HECW1: variants seen among roughly 807,000 people sequenced by gnomAD.
HECW1 encodes the protein HECT, C2 and WW domain containing E3 ubiquitin protein ligase 1, also known as E3 ubiquitin-protein ligase HECW1.
Under a neutral mutation model 182.3 loss-of-function variants are expected in HECW1, and 61 were observed. That is an observed-to-expected ratio of 0.33 (90% CI 0.27 to 0.41). The LOEUF (loss-of-function observed/expected upper bound fraction) is 0.41, where lower values mean the gene tolerates loss of function less well. Ranked by LOEUF, HECW1 falls within the 10% of genes least tolerant of loss-of-function variation. HECW1 has a pLI of 1.00. For missense variants in HECW1, 1,739 were observed against 2,108.9 expected (o/e 0.82, Z 3.44); for synonymous variants, 859 against 832.6 (o/e 1.03, Z -0.55).
chr7:43,252,773 A>C (rs565263690), intron 3 of HECW1, among the ~76,000 whole-genome samples: 1 of 152,356 alleles, frequency 6.6e-6, no homozygotes, highest in Non-Finnish European at 1.5e-5. Flanking sequence ...TAAGTCATTT[A>C]TTATAAAACA....
chr7:43,349,674 A>G lies in HECW1; in HGVS notation c.461-11212A>G, dbSNP rs117707164. On this transcript the variant is annotated intron_variant, in intron 5 of 29. Coordinates refer to ENST00000395891, the MANE Select transcript of HECW1 (RefSeq NM_015052.5). The stretch of plus-strand genomic sequence containing the variant: ...TGTTTTGTCTTATATAATAATAGCT[A>G]CCCCTGCTCACTTTTGGTGTCCATT... Among the ~76,000 whole-genome samples the G allele has an allele frequency of 8.4e-4, 128 of 152,244 alleles. 3 individuals carry two copies. In the East Asian group the frequency reaches 0.019, roughly 23 times the overall value.
chr7:43,544,122 T>C (rs964296078), intron 26 of HECW1, among the ~76,000 whole-genome samples: 2 of 152,234 alleles, frequency 1.3e-5, no homozygotes, highest in Non-Finnish European at 2.9e-5. Flanking sequence ...TAAAGAATGC[T>C]GATACAGATA....
At chr7:43,477,524 G>A (rs1355914092) in intron 16 of HECW1, among the ~76,000 whole-genome samples, 1 of 151,860 alleles carries the variant, frequency 6.6e-6, no homozygotes, top group Non-Finnish European at 1.5e-5. Context: ...CCATTTCCTT[G>A]TATTTTTGAC....
At chr7:43,149,036 T>G (rs1185148860) in intron 2 of HECW1, among the ~76,000 whole-genome samples, 1 of 152,164 alleles carries the variant, frequency 6.6e-6, no homozygotes, top group South Asian at 2.1e-4. Context: ...AAAATTACCA[T>G]CAGAACACCC....
At chr7:43,142,316 C>T (rs1788238988) in intron 2 of HECW1, among the ~76,000 whole-genome samples, 1 of 152,138 alleles carries the variant, frequency 6.6e-6, no homozygotes, top group Non-Finnish European at 1.5e-5. Context: ...AACAAGTTCC[C>T]AAGATAATTC....
At chr7:43,137,601 G>A (rs560362248) in intron 2 of HECW1, among the ~76,000 whole-genome samples, 2 of 151,498 alleles carry the variant, frequency 1.3e-5, no homozygotes, top group South Asian at 4.2e-4. Context: ...CCAGGCTGGA[G>A]TGCAGTGGTA....
intron 2 of HECW1, among the ~76,000 whole-genome samples, chr7:43,230,995 G>A (rs1373041481): frequency 3.3e-5 from 5 of 152,182 alleles, no homozygotes; most frequent in Non-Finnish European, 2.9e-5. Flanking sequence ...TTTCAACACT[G>A]AATCCTCTGT....
intron 3 of HECW1, among the ~76,000 whole-genome samples, chr7:43,292,979 C>CT (rs1227277310): frequency 6.6e-6 from 1 of 152,076 alleles, no homozygotes; most frequent in African/African-American, 2.4e-5. Flanking sequence ...AATCCCATCA[C>CT]TTTGGGAGGC....
At chr7:43,277,707 C>G (rs1000898072) in intron 3 of HECW1, among the ~76,000 whole-genome samples, 3 of 152,172 alleles carry the variant, frequency 2.0e-5, no homozygotes, top group Non-Finnish European at 2.9e-5. Flanking sequence ...CTCCCCTCTT[C>G]CAGCAGAACT....
At chr7:43,178,034 G>A (rs1792428996) in intron 2 of HECW1, among the ~76,000 whole-genome samples, 1 of 152,168 alleles carries the variant, frequency 6.6e-6, no homozygotes. Flanking sequence ...TTTTGAGACA[G>A]AGTCTCGCTC....
At chr7:43,307,915 TATAC>T (rs1478585264) in intron 3 of HECW1, among the ~76,000 whole-genome samples, 3 of 138,028 alleles carry the variant, frequency 2.2e-5, no homozygotes, top group Non-Finnish European at 4.6e-5. Flanking sequence ...TATATATATA[TATAC>T]ACACACACAT....
chr7:43,507,039 C>T, intron 21 of HECW1, 98 bp from the exon 22 acceptor site: 1 of 1,434,586 alleles, frequency 7.0e-7, no homozygotes, highest in African/African-American at 1.4e-5. Context: ...CACTGCACTC[C>T]AGCCTGGGCA....
At chr7:43,286,301 C>A (rs1804627504) in intron 3 of HECW1, among the ~76,000 whole-genome samples, 1 of 152,108 alleles carries the variant, frequency 6.6e-6, no homozygotes, top group Admixed American at 6.5e-5. Flanking sequence ...AGCATGCAGC[C>A]CAGTGATAAT....
chr7:43,229,699 T>C (rs1040927830), intron 2 of HECW1, among the ~76,000 whole-genome samples: 10 of 152,090 alleles, frequency 6.6e-5, no homozygotes, highest in Admixed American at 4.6e-4. Flanking sequence ...AACTAGTTAA[T>C]GGATGGTAAA....
At chr7:43,283,806 CT>C (rs1396018933) in intron 3 of HECW1, among the ~76,000 whole-genome samples, 1 of 152,106 alleles carries the variant, frequency 6.6e-6, no homozygotes, top group Admixed American at 6.5e-5. Context: ...GGAAAGGATG[CT>C]TTTTTAATGC....
At chr7:43,349,446 A>T (rs1219986938) in intron 5 of HECW1, among the ~76,000 whole-genome samples, 1 of 152,160 alleles carries the variant, frequency 6.6e-6, no homozygotes, top group Non-Finnish European at 1.5e-5. Context: ...TAGTGCTGTC[A>T]GTGAAGTATT....
At chr7:43,403,000 C>T (rs534954630) in intron 7 of HECW1, among the ~76,000 whole-genome samples, 3 of 152,178 alleles carry the variant, frequency 2.0e-5, no homozygotes, top group South Asian at 2.1e-4. Flanking sequence ...AATAAATTAC[C>T]GTAGAGCCAA....
At chr7:43,231,397 G>T (rs1190347892) in intron 2 of HECW1, among the ~76,000 whole-genome samples, 1 of 152,206 alleles carries the variant, frequency 6.6e-6, no homozygotes, top group Non-Finnish European at 1.5e-5. Flanking sequence ...TATCTGCTTT[G>T]CTCAGTGTGC....
At chr7:43,126,507 C>T (rs73097353) in intron 2 of HECW1, among the ~76,000 whole-genome samples, 34,956 of 152,006 alleles carry the variant, frequency 0.23, 4,386 homozygotes, top group Non-Finnish European at 0.28. Flanking sequence ...ACCATTAGAC[C>T]CACAAAACCT....
Sources: gnomAD v4.1 joint callset for allele counts (sites outside exome capture counted in the v4.1 genomes callset) on GRCh38, gnomAD v4.1.1 for gene constraint, MANE v1.5 for transcripts, NCBI Gene and HGNC (gene_info 2026-07-23, HGNC 2026-07-21) for gene names.